Variants in IL1RAPL1 observed in about 807,000 individuals in gnomAD.
The protein encoded by IL1RAPL1 is interleukin 1 receptor accessory protein like 1.
Under a neutral mutation model 48.4 loss-of-function variants are expected in IL1RAPL1, and 3 were observed. The observed-to-expected ratio is 0.06, with a 90% CI of 0.03 to 0.16. The LOEUF (loss-of-function observed/expected upper bound fraction) is 0.16. Ranked by LOEUF, IL1RAPL1 falls within the 10% of genes least tolerant of loss-of-function variation. IL1RAPL1 has a pLI of 1.00. For synonymous variants in IL1RAPL1, 185 were observed against 187.7 expected (o/e 0.99, Z 0.12); for missense variants, 349 against 530.6 (o/e 0.66, Z 3.36).
intron 5 of IL1RAPL1, among the ~76,000 whole-genome samples, chrX:29,564,173 T>C (rs1406588839): frequency 8.9e-6 from 1 of 111,939 alleles, no homozygotes; most frequent in Non-Finnish European, 1.9e-5. Context: ...TGATGGCACC[T>C]TCAAAGGTGA....
chrX:28,985,847 GACGGGGTTTC>G lies in IL1RAPL1; in HGVS notation c.82+196425_82+196434del, dbSNP rs749466754. ...GCTAATTTTTTGTATTTTTAGTAGAGACGGGGTTTCACTGTGTTAGCCAGGATGGTCTCGA... is the reference window on the plus strand; with the variant it reads ...GCTAATTTTTTGTATTTTTAGTAGAGACTGTGTTAGCCAGGATGGTCTCGA... On this transcript the variant is annotated intron_variant, in intron 2 of 10. Transcript: ENST00000378993. Among the ~76,000 whole-genome samples the G allele has an allele frequency of 2.5e-4, 28 of 110,047 alleles. No homozygotes were observed. The East Asian group carries it at 7.8e-3, about 31-fold the overall frequency.
chrX:29,237,214 T>C (rs9699277), intron 2 of IL1RAPL1, among the ~76,000 whole-genome samples: 7,884 of 111,903 alleles, frequency 0.07, 706 homozygotes, highest in African/African-American at 0.24. Flanking sequence ...GCTGCTTATT[T>C]AATAAGCCAT....
chrX:29,481,050 A>G (rs1935037262), intron 5 of IL1RAPL1, among the ~76,000 whole-genome samples: 2 of 112,464 alleles, frequency 1.8e-5, no homozygotes, highest in Admixed American at 9.4e-5. Context: ...TTGTTGAATT[A>G]TTAGATGTTT....
At chrX:28,942,135 G>A (rs1470863651) in intron 2 of IL1RAPL1, 1 of 109,797 alleles carries the variant, frequency 9.1e-6, no homozygotes, top group Admixed American at 9.8e-5. Context: ...GTAATGAATT[G>A]CCATCGGGAA....
At chrX:28,815,687 A>G (rs773072834) in intron 2 of IL1RAPL1, among the ~76,000 whole-genome samples, 2 of 102,677 alleles carry the variant, frequency 1.9e-5, no homozygotes, top group Non-Finnish European at 4.0e-5. Context: ...GCTCCCACAT[A>G]TGAGTGAAAA....
chrX:29,244,174 T>A (rs184490229), intron 2 of IL1RAPL1, among the ~76,000 whole-genome samples: 1 of 112,200 alleles, frequency 8.9e-6, no homozygotes, highest in Non-Finnish European at 1.9e-5. Flanking sequence ...AGTTGATAGC[T>A]GCATTAAAAT....
At chrX:29,230,521 A>AAAAAAAAAAAC (rs1931177450) in intron 2 of IL1RAPL1, among the ~76,000 whole-genome samples, 1 of 96,886 alleles carries the variant, frequency 1.0e-5, no homozygotes, top group Non-Finnish European at 2.1e-5. Flanking sequence ...AAAAAAAAAA[A>AAAAAAAAAAAC]AAAAAAAAAA....
intron 2 of IL1RAPL1, among the ~76,000 whole-genome samples, chrX:28,840,032 T>C (rs944664534): frequency 5.4e-5 from 6 of 111,044 alleles, no homozygotes; most frequent in Non-Finnish European, 9.5e-5. Flanking sequence ...GTTGCGTCTC[T>C]TAGAGTGTAC....
At chrX:29,081,691 G>T (rs1052223133) in intron 2 of IL1RAPL1, among the ~76,000 whole-genome samples, 1 of 111,569 alleles carries the variant, frequency 9.0e-6, no homozygotes, top group Non-Finnish European at 1.9e-5. Flanking sequence ...CCTTTGTGCT[G>T]TTTCAGAGAA....
At chrX:29,386,395 A>G (rs761426391) in intron 3 of IL1RAPL1, among the ~76,000 whole-genome samples, 1 of 111,181 alleles carries the variant, frequency 9.0e-6, no homozygotes, top group East Asian at 2.8e-4. Context: ...AAAGCTTTCT[A>G]TACAATATTT....
intron 5 of IL1RAPL1, among the ~76,000 whole-genome samples, chrX:29,618,803 A>G (rs1031561499): frequency 8.9e-6 from 1 of 112,159 alleles, no homozygotes; most frequent in Non-Finnish European, 1.9e-5. Flanking sequence ...TTTGGGGACC[A>G]GGAATCAGCC....
At position 29,793,968 on chromosome X, in the gene IL1RAPL1, A is replaced by G. The variant is rs777760441; in HGVS notation, c.779-123496A>G. 2.7e-5 allele frequency among the ~76,000 whole-genome samples: 3 copies of G among 112,046 alleles called. No homozygotes were observed. The South Asian group carries it at 1.1e-3, about 42-fold the overall frequency. On this transcript the variant is annotated intron_variant, in intron 6 of 10. Coordinates refer to ENST00000378993, the MANE Select transcript of IL1RAPL1 (RefSeq NM_014271.4). Reference sequence around the variant, plus strand: ...GTGGATTAGCTAACAGTAGGGGAGGATATGGCTGATGTTTGTCTGTGTGTG... The same window carrying G: ...GTGGATTAGCTAACAGTAGGGGAGGGTATGGCTGATGTTTGTCTGTGTGTG...
chrX:29,725,985 G>A (rs903086666), intron 6 of IL1RAPL1, among the ~76,000 whole-genome samples: 2 of 112,154 alleles, frequency 1.8e-5, no homozygotes, highest in Non-Finnish European at 1.9e-5. Flanking sequence ...CAGTACTGGT[G>A]TGAACGCACA....
chrX:29,471,434 A>G (rs1434154841), intron 5 of IL1RAPL1, among the ~76,000 whole-genome samples: 1 of 111,464 alleles, frequency 9.0e-6, no homozygotes, highest in Non-Finnish European at 1.9e-5. Flanking sequence ...GCTAGTATAT[A>G]TAGGAAGGGT....
At chrX:28,682,374 C>T (rs1935070998) in intron 1 of IL1RAPL1, among the ~76,000 whole-genome samples, 1 of 110,569 alleles carries the variant, frequency 9.0e-6, no homozygotes, top group Non-Finnish European at 1.9e-5. Flanking sequence ...AGTGGCATGA[C>T]CTCGGCTCAC....
chrX:29,907,973 C>A (rs1932674691), intron 6 of IL1RAPL1, among the ~76,000 whole-genome samples: 1 of 110,913 alleles, frequency 9.0e-6, no homozygotes, highest in African/African-American at 3.3e-5. Context: ...CTTCTTAAGG[C>A]TGGCAAAACT....
chrX:29,016,549 G>A (rs1476021119), intron 2 of IL1RAPL1, among the ~76,000 whole-genome samples: 2 of 110,589 alleles, frequency 1.8e-5, no homozygotes, highest in Non-Finnish European at 3.8e-5. Flanking sequence ...TGAACTCTAG[G>A]CAGCATAAGA....
chrX:29,081,932 A>G (rs1399118185), intron 2 of IL1RAPL1, among the ~76,000 whole-genome samples: 1 of 110,655 alleles, frequency 9.0e-6, no homozygotes, highest in Non-Finnish European at 1.9e-5. Flanking sequence ...TAGCAGATCT[A>G]TTGTGAATAT....
At position 29,085,150 on chromosome X, in the gene IL1RAPL1, TAATA is replaced by T. The variant is rs1927926520; in HGVS notation, c.83-197785_83-197782del. Among the ~76,000 whole-genome samples the T allele has an allele frequency of 2.7e-5, 3 of 111,794 alleles. No homozygotes were observed. In the Admixed American group the frequency reaches 2.9e-4, roughly 11 times the overall value. On this transcript the variant is annotated intron_variant, in intron 2 of 10. Coordinates refer to ENST00000378993, the MANE Select transcript of IL1RAPL1 (RefSeq NM_014271.4). Reference sequence around the variant, plus strand: ...GGATTTATATAATGATAGTACATAATAATAAAACTAACAAATATATAATAAAGTA... The same window carrying T: ...GGATTTATATAATGATAGTACATAATAAACTAACAAATATATAATAAAGTA...
Sources: gnomAD v4.1 joint callset for allele counts (sites outside exome capture counted in the v4.1 genomes callset) on GRCh38, gnomAD v4.1.1 for gene constraint, MANE v1.5 for transcripts, NCBI Gene and HGNC (gene_info 2026-07-23, HGNC 2026-07-21) for gene names.